ANKRD55: variants seen among roughly 807,000 people sequenced by gnomAD.
The protein encoded by ANKRD55 is ankyrin repeat domain-containing protein 55.
Under a neutral mutation model 60.6 loss-of-function variants are expected in ANKRD55, and 41 were observed. That is an observed-to-expected ratio of 0.68 (90% CI 0.53 to 0.88). The LOEUF (loss-of-function observed/expected upper bound fraction) is 0.88, where lower values mean the gene tolerates loss of function less well. Ranked by LOEUF, ANKRD55 falls within the 40% of genes least tolerant of loss-of-function variation. The pLI, the probability that ANKRD55 is intolerant of heterozygous loss-of-function variation, is 0.00. For missense variants in ANKRD55, 732 were observed against 767.6 expected (o/e 0.95, Z 0.55); for synonymous variants, 264 against 290.3 (o/e 0.91, Z 0.92).
chr5:56,211,498 A>G (rs1472413603), intron 2 of ANKRD55, among the ~76,000 whole-genome samples: 2 of 152,194 alleles, frequency 1.3e-5, no homozygotes, highest in Non-Finnish European at 2.9e-5. Context: ...GACTTATCCA[A>G]ACTTGCACAG....
chr5:56,223,983 G>C (rs538711062), intron 2 of ANKRD55, among the ~76,000 whole-genome samples: 1 of 151,992 alleles, frequency 6.6e-6, no homozygotes, highest in African/African-American at 2.4e-5. Flanking sequence ...TGCACCAAGC[G>C]GACCTAATAG....
intron 2 of ANKRD55, among the ~76,000 whole-genome samples, chr5:56,185,906 C>T (rs1346363382): frequency 6.6e-6 from 1 of 152,200 alleles, no homozygotes; most frequent in Non-Finnish European, 1.5e-5. Flanking sequence ...CTTATGACAA[C>T]AAACTGTTTT....
Position 56,120,202 on chromosome 5 carries a change from A to G in ANKRD55, c.798-3420T>C, listed in dbSNP as rs552836392. 2.0e-5 allele frequency among the ~76,000 whole-genome samples: 3 copies of G among 152,048 alleles called. No homozygotes were observed. The East Asian group carries it at 5.8e-4, about 30-fold the overall frequency. On this transcript the variant is annotated intron_variant, in intron 8 of 11. Coordinates refer to ENST00000341048, the MANE Select transcript of ANKRD55 (RefSeq NM_024669.3). ...CAGGCACGGGCCACCACACCCAGCT[A>G]ATTTTTGTATTTTTAGTAGAGACAG...
At chr5:56,187,253 G>C (rs1359462518) in intron 2 of ANKRD55, among the ~76,000 whole-genome samples, 1 of 152,172 alleles carries the variant, frequency 6.6e-6, no homozygotes, top group Non-Finnish European at 1.5e-5. Context: ...TTTAAACACA[G>C]GGCTTGCAAC....
chr5:56,126,830 T>C (rs766955908), intron 8 of ANKRD55, 92 bp downstream of exon 8: 9 of 1,412,634 alleles, frequency 6.4e-6, no homozygotes, highest in Non-Finnish European at 8.7e-6. Flanking sequence ...GATATAGCTG[T>C]ATAGGACACC....
intron 4 of ANKRD55, among the ~76,000 whole-genome samples, chr5:56,172,728 A>AT (rs34291279): frequency 0.025 from 3,795 of 150,416 alleles, 69 homozygotes; most frequent in Non-Finnish European, 0.036. Flanking sequence ...TGTGATGGGC[A>AT]TTTTTTTTTT....
At chr5:56,212,088 A>G (rs7702222) in intron 2 of ANKRD55, among the ~76,000 whole-genome samples, 2,299 of 80,728 alleles carry the variant, frequency 0.028, 66 homozygotes, top group African/African-American at 0.12. Context: ...ACACACACAC[A>G]CGCGTACCTA....
In ANKRD55 at chr5:56,176,261, G is replaced by T. The variant is rs745640473; in HGVS notation, c.203C>A (p.Ala68Glu). ...TGTGTCCGCTTGACGTCCAGAAACC[G>T]CATGCATCAAGGGCGTGCATCCTGG... ...DSEGCTPLMH[A>E]VSGRQADTVK... The change falls in exon 4 of 12, where the codon GCG becomes GAG. Residue 68 changes from alanine to glutamate, a missense_variant. Around this residue, in one of 3 missense-constraint regions of ANKRD55, gnomAD observed 131 missense variants for 142.7 expected, o/e 0.92. Coordinates refer to ENST00000341048, the MANE Select transcript of ANKRD55 (RefSeq NM_024669.3). 1 of 1,614,112 alleles carries T rather than the reference G, an allele frequency of 6.2e-7. No individual in the cohort carries two copies. The highest frequency in any genetic ancestry group is 8.5e-7 in the Non-Finnish European group (1 of 1,180,014).
At chr5:56,189,250 G>T (rs1010715983) in intron 2 of ANKRD55, among the ~76,000 whole-genome samples, 1 of 149,798 alleles carries the variant, frequency 6.7e-6, no homozygotes, top group Non-Finnish European at 1.5e-5. Context: ...GGCGGAGCTT[G>T]CAGTGAGCCA....
rs1185719702 is a variant in ANKRD55 at position 56,111,630 on chromosome 5, T to C, written c.1118A>G (p.Glu373Gly). Residue 373 changes from glutamate (E) to glycine (G), a missense_variant, in exon 10 of 12, where the codon GAG (glutamate) becomes GGG (glycine). Physicochemically the swap from Glu to Gly is moderately conservative, Grantham distance 98. Coordinates refer to ENST00000341048, the MANE Select transcript of ANKRD55 (RefSeq NM_024669.3). The stretch of plus-strand genomic sequence containing the variant: ...GATGTCATTGACTTCTGAGGTGTCC[T>C]CCTCTCTGTATCGGTCCCTGCTGGG... ...KDPSRDRYRE[E>G]DTSEVNDIIT... 6.4e-7 allele frequency: 1 copy of C among 1,570,034 alleles called. No individual in the cohort carries two copies. The highest frequency in any genetic ancestry group is 1.4e-5 in the African/African-American group (1 of 73,186).
intron 3 of ANKRD55, among the ~76,000 whole-genome samples, chr5:56,180,317 A>G (rs922465836): frequency 2.6e-5 from 4 of 152,240 alleles, no homozygotes; most frequent in African/African-American, 9.6e-5. Context: ...GAACTATAGC[A>G]TGTAGCTTGA....
chr5:56,138,752 A>G (rs1757676477), intron 7 of ANKRD55, among the ~76,000 whole-genome samples: 1 of 152,246 alleles, frequency 6.6e-6, no homozygotes, highest in South Asian at 2.1e-4. Context: ...ATACAGTACA[A>G]TTCCAATCAT....
chr5:56,125,267 T>C (rs945580657), intron 8 of ANKRD55, among the ~76,000 whole-genome samples: 3 of 152,134 alleles, frequency 2.0e-5, no homozygotes, highest in Non-Finnish European at 4.4e-5. Flanking sequence ...GGAAAACACT[T>C]ACTTTTTTCT....
intron 2 of ANKRD55, among the ~76,000 whole-genome samples, chr5:56,228,734 C>A (rs1760177457): frequency 6.6e-6 from 1 of 152,142 alleles, no homozygotes; most frequent in African/African-American, 2.4e-5. Flanking sequence ...CTGCTGCTGA[C>A]ATCTTGATTT....
At chr5:56,230,360 T>C (rs530688057) in intron 2 of ANKRD55, among the ~76,000 whole-genome samples, 1 of 152,340 alleles carries the variant, frequency 6.6e-6, no homozygotes, top group South Asian at 2.1e-4. Context: ...CCCAAAGCAC[T>C]GGGATTACAG....
At chr5:56,221,919 G>C (rs533420384) in intron 2 of ANKRD55, among the ~76,000 whole-genome samples, 4 of 152,348 alleles carry the variant, frequency 2.6e-5, no homozygotes, top group African/African-American at 7.2e-5. Context: ...ACCTCTGGGG[G>C]CAGGGCATAG....
rs563480735 is a variant in ANKRD55, at chr5:56,107,041, C to G, written c.1630+4077G>C. Among the ~76,000 whole-genome samples the G allele has an allele frequency of 2.7e-5, 4 of 150,812 alleles. No individual in the cohort carries two copies. The East Asian group carries it at 5.8e-4, about 22-fold the overall frequency. ...AAAAAAAAAAAAAAAATCCCTCACT[C>G]TCTTTTGATAAATCAACTGTGATAA... On this transcript the variant is annotated intron_variant, in intron 10 of 11. Transcript: ENST00000341048.
intron 2 of ANKRD55, among the ~76,000 whole-genome samples, chr5:56,227,295 A>T (rs1760141003): frequency 1.5e-5 from 2 of 135,464 alleles, no homozygotes; most frequent in African/African-American, 5.5e-5. Flanking sequence ...CATTGAGAAC[A>T]CTTGGACACA....
intron 2 of ANKRD55, among the ~76,000 whole-genome samples, chr5:56,204,319 C>T (rs1759451267): frequency 7.2e-5 from 11 of 152,188 alleles, no homozygotes; most frequent in Admixed American, 6.5e-4. Context: ...TGCAGAAGTT[C>T]TTTAGTTTAA....
Sources: allele counts gnomAD v4.1 joint callset (sites outside exome capture counted in the v4.1 genomes callset), GRCh38; gene constraint gnomAD v4.1.1; regional missense constraint gnomAD v4.1.1; transcripts MANE v1.5; gene names NCBI Gene and HGNC (gene_info 2026-07-23, HGNC 2026-07-21).